The following SEZ6 variants were observed in gnomAD, a reference collection of about 807,000 sequenced individuals.
The protein encoded by SEZ6 is seizure protein 6 homolog.
A neutral mutation model predicts 101.0 loss-of-function variants in SEZ6; 53 were observed. The ratio of observed to expected loss-of-function variants is 0.52; its 90% CI spans 0.42 to 0.66. The LOEUF is 0.66. SEZ6 is among the 30% of genes least tolerant of loss of function. SEZ6 has a pLI of 0.00. For missense variants in SEZ6, 1,102 were observed against 1,289.4 expected (o/e 0.85, Z 2.23); for synonymous variants, 488 against 512.2 (o/e 0.95, Z 0.64).
At position 29,005,757 on chromosome 17, in the gene SEZ6, C is replaced by T. The variant is rs1598221407; in HGVS notation, c.55+58G>A. On this transcript the variant is annotated intron_variant, in intron 1 of 16. Transcript: ENST00000317338. This position sits in a 1 kb window ranked among gnomAD's most constrained non-coding sequence, Gnocchi z 4.8. ...GAAGCTGGGCACCGGGTCTCCCTTCCCACCCCTGGGGCCCCGCTCCCGCCC... is the reference window on the plus strand; with the variant it reads ...GAAGCTGGGCACCGGGTCTCCCTTCTCACCCCTGGGGCCCCGCTCCCGCCC... 17 of 1,458,918 alleles carry T rather than the reference C, an allele frequency of 1.2e-5. No homozygotes were observed. The East Asian group carries it at 4.8e-4, about 41-fold the overall frequency. 90.4% of individuals were successfully genotyped at this position (1,458,918 alleles called of 1,614,324 possible). A position where few individuals can be genotyped will look rare whatever the true frequency, so the allele number is the denominator to read the frequency against.
chr17:28,984,743 C>T (rs2041354130), intron 1 of SEZ6, among the ~76,000 whole-genome samples: 1 of 152,200 alleles, frequency 6.6e-6, no homozygotes, highest in Non-Finnish European at 1.5e-5. Context: ...GAGAGGGCAT[C>T]TCCAGACCCC....
intron 2 of SEZ6, among the ~76,000 whole-genome samples, chr17:28,980,300 T>C (rs2041281464): frequency 6.6e-6 from 1 of 150,872 alleles, no homozygotes; most frequent in Non-Finnish European, 1.5e-5. Flanking sequence ...CTCTGCCTCC[T>C]GGGTTCAAGC....
At chr17:29,006,055 C>A (rs892196168), upstream of SEZ6, 3 of 393,480 alleles carry the variant, frequency 7.6e-6, no homozygotes, top group Non-Finnish European at 4.2e-6. Context: ...GGCGACGGCG[C>A]CGGGGATCGC....
In SEZ6 at chr17:28,981,374, G is replaced by T; in HGVS notation, c.721C>A (p.Pro241Thr). 1 of 1,544,948 alleles carries T rather than the reference G, an allele frequency of 6.5e-7. No individual in the cohort carries two copies. The highest frequency in any genetic ancestry group is 8.8e-7 in the Non-Finnish European group (1 of 1,142,050). Residue 241 changes from proline to threonine, a missense_variant, in exon 2 of 17, where the codon CCA becomes ACA. Physicochemically the swap from Pro to Thr is conservative, Grantham distance 38. Transcript: ENST00000317338. ...TGCAAGCCAGCAGGTAGCTGACCTG[G>T]TGTCTGGACTGTGGTGATGGTGGTG... ...ITTTITTVQT[P>T]GPCSWNFSGP...
intron 1 of SEZ6, among the ~76,000 whole-genome samples, chr17:29,003,852 C>T (rs2041648574): frequency 6.6e-6 from 1 of 151,892 alleles, no homozygotes; most frequent in East Asian, 1.9e-4. Flanking sequence ...CTGGCAGGTG[C>T]CTCCATGGGC....
At position 28,956,212 on chromosome 17, in the gene SEZ6, A is replaced by AGGGGCG. The variant is rs750344311; in HGVS notation, c.2893_2898dup (p.Arg965_Pro966dup). 7.3e-5 allele frequency: 11 copies of AGGGGCG among 151,126 alleles called. No homozygotes were observed. Among genetic ancestry groups the AGGGGCG allele is most frequent in the East Asian group, 4.5e-4 (2 of 4,426 alleles). The allele number at this position is 151,126 out of a possible 1,614,324, so 9.4% of individuals were successfully genotyped here. A position where few individuals can be genotyped will look rare whatever the true frequency, so the allele number is the denominator to read the frequency against. On this transcript the variant is annotated inframe_insertion, in exon 16 of 17. Coordinates refer to ENST00000317338, the MANE Select transcript of SEZ6 (RefSeq NM_178860.5). ...GCTGACTCTATGGTAATGCGGTTGTAGGGGCGGGGGCGGGGGCGGGGCAGC... is the reference window on the plus strand; with the variant it reads ...GCTGACTCTATGGTAATGCGGTTGTAGGGGCGGGGGCGGGGGCGGGGGCGGGGCAGC...
chr17:28,966,963 G>A (rs2041079738), intron 4 of SEZ6, among the ~76,000 whole-genome samples: 1 of 152,196 alleles, frequency 6.6e-6, no homozygotes, highest in Non-Finnish European at 1.5e-5. Flanking sequence ...GTGCTTAGCA[G>A]GTGGGCTGTG....
chr17:28,963,931 C>G, intron 5 of SEZ6, 31 bp downstream of exon 5: 1 of 1,553,434 alleles, frequency 6.4e-7, no homozygotes, highest in Non-Finnish European at 8.6e-7. Flanking sequence ...CTTCTCTGCT[C>G]AGCACTGAGC....
At chr17:28,995,391 G>A (rs2041523101) in intron 1 of SEZ6, among the ~76,000 whole-genome samples, 1 of 152,154 alleles carries the variant, frequency 6.6e-6, no homozygotes, top group Non-Finnish European at 1.5e-5. Flanking sequence ...AGGGATGGAG[G>A]TGTGAGAAGA....
At position 28,957,949 on chromosome 17, in the gene SEZ6, C is replaced by T; in HGVS notation, c.2300G>A (p.Arg767Lys). 1 of 1,613,058 alleles carries T rather than the reference C, an allele frequency of 6.2e-7. No homozygotes were observed. The highest frequency in any genetic ancestry group is 8.5e-7 in the Non-Finnish European group (1 of 1,179,150). Residue 767 changes from arginine to lysine, a missense_variant and splice_region_variant, in exon 11 of 17, where the codon AGG (arginine) becomes AAG (lysine). Coordinates refer to ENST00000317338, the MANE Select transcript of SEZ6 (RefSeq NM_178860.5). ...TWSEDLPSCQ[R>K]VTSCHDPGDV... ...GCGTGGGGAACAGGTATACTCACCC[C>T]TCTGGCATGAGGGCAGGTCCTCACT... is the stretch of plus-strand genomic sequence containing the variant.
intron 4 of SEZ6, among the ~76,000 whole-genome samples, chr17:28,966,566 C>T (rs973950642): frequency 6.6e-6 from 1 of 152,094 alleles, no homozygotes; most frequent in Admixed American, 6.6e-5. Flanking sequence ...GAGGCTTGTG[C>T]TACAGAGCCT....
At chr17:28,966,213 G>T (rs190437084) in intron 4 of SEZ6, among the ~76,000 whole-genome samples, 8 of 151,108 alleles carry the variant, frequency 5.3e-5, no homozygotes, top group Admixed American at 5.3e-4. Context: ...GGGCACGGTG[G>T]CTCACACCTG....
At chr17:28,970,291 CT>C (rs1459842346) in intron 3 of SEZ6, among the ~76,000 whole-genome samples, 1 of 152,182 alleles carries the variant, frequency 6.6e-6, no homozygotes, top group Non-Finnish European at 1.5e-5. Context: ...GTTTTCTCAT[CT>C]GTAAAGTAGG....
intron 1 of SEZ6, among the ~76,000 whole-genome samples, chr17:29,003,288 C>G (rs1033650417): frequency 6.6e-5 from 10 of 152,202 alleles, no homozygotes; most frequent in African/African-American, 1.2e-4. Context: ...GAAGATACCC[C>G]GTGGCCCAAG....
In SEZ6 at chr17:28,981,848, T is replaced by C; in HGVS notation, c.247A>G (p.Lys83Glu). The C allele has an allele frequency of 1.2e-6, 2 of 1,613,884 alleles. No individual in the cohort carries two copies. The highest frequency in any genetic ancestry group is 1.7e-6 in the Non-Finnish European group (2 of 1,179,854). The change falls in exon 2 of 17, where the codon AAG (lysine) becomes GAG (glutamate). Residue 83 changes from lysine (K) to glutamate (E), a missense_variant. By Grantham distance (56) the Lys-to-Glu change is moderately conservative (BLOSUM62 1). This residue lies in a region of SEZ6 where 406 missense variants were observed against 418.6 expected (regional missense o/e 0.97). Transcript: ENST00000317338. ...LEEFLQEGLE[K>E]GDEELRPALP... ...GCTGGCCTCAGCTCCTCATCTCCCTTTTCCAGCCCCTCTTGTAGGAATTCC... is the reference window on the plus strand; with the variant it reads ...GCTGGCCTCAGCTCCTCATCTCCCTCTTCCAGCCCCTCTTGTAGGAATTCC...
chr17:28,975,842 C>T (rs551174606), intron 3 of SEZ6, among the ~76,000 whole-genome samples: 11 of 152,350 alleles, frequency 7.2e-5, no homozygotes, highest in African/African-American at 2.6e-4. Context: ...TGTGCCCAGG[C>T]TCCAGATGGT....
intron 1 of SEZ6, among the ~76,000 whole-genome samples, chr17:29,004,662 A>C (rs911644083): frequency 1.3e-5 from 2 of 152,100 alleles, no homozygotes; most frequent in African/African-American, 2.4e-5. Context: ...GGAGGTTAGA[A>C]ACTCCCACCC....
chr17:28,972,668 G>A (rs1350204251), intron 3 of SEZ6, among the ~76,000 whole-genome samples: 1 of 152,244 alleles, frequency 6.6e-6, no homozygotes, highest in African/African-American at 2.4e-5. Context: ...GCGGAGGCTG[G>A]ATGAGGTCCC....
intron 1 of SEZ6, among the ~76,000 whole-genome samples, chr17:28,996,343 C>T (rs1190496856): frequency 2.0e-5 from 3 of 152,102 alleles, no homozygotes; most frequent in Non-Finnish European, 4.4e-5. Flanking sequence ...GGGTGTGGGC[C>T]CTGAGCCTGT....
Sources: gnomAD v4.1 joint callset for allele counts (sites outside exome capture counted in the v4.1 genomes callset) on GRCh38, gnomAD v4.1.1 for gene constraint, gnomAD v4.1.1 regional missense constraint, Gnocchi (gnomAD v3.1) non-coding constraint, MANE v1.5 for transcripts, NCBI Gene and HGNC (gene_info 2026-07-23, HGNC 2026-07-21) for gene names.